Variants in CRIM1 observed in about 807,000 individuals in gnomAD.
CRIM1 encodes the protein cysteine-rich motor neuron 1 protein.
A neutral mutation model predicts 116.4 loss-of-function variants in CRIM1; 32 were observed. The observed-to-expected ratio is 0.27, with a 90% confidence interval of 0.21 to 0.37. CRIM1 has a LOEUF of 0.37. Ranked by LOEUF, CRIM1 falls within the 10% of genes least tolerant of loss-of-function variation. The pLI is 1.00. For missense variants in CRIM1, 1,331 were observed against 1,354.8 expected (o/e 0.98, Z 0.28); for synonymous variants, 590 against 509.2 (o/e 1.16, Z -2.13).
At chr2:36,368,381 C>G (rs889795461) in intron 1 of CRIM1, among the ~76,000 whole-genome samples, 2 of 152,152 alleles carry the variant, frequency 1.3e-5, no homozygotes, top group African/African-American at 4.8e-5. Flanking sequence ...CAAGTACAAG[C>G]CAACTGCGAA....
chr2:36,485,907 C>G (rs1379528136), intron 7 of CRIM1, among the ~76,000 whole-genome samples: 2 of 152,168 alleles, frequency 1.3e-5, no homozygotes, highest in African/African-American at 4.8e-5. Flanking sequence ...GAAACTAGTT[C>G]CATAAATGGA....
At chr2:36,386,782 C>A (rs1671199108) in intron 1 of CRIM1, among the ~76,000 whole-genome samples, 1 of 152,154 alleles carries the variant, frequency 6.6e-6, no homozygotes, top group Non-Finnish European at 1.5e-5. Flanking sequence ...CAGTAGAAGT[C>A]CTACACTGGA....
intron 1 of CRIM1, among the ~76,000 whole-genome samples, chr2:36,384,766 C>T (rs886987492): frequency 6.6e-6 from 1 of 152,116 alleles, no homozygotes; most frequent in Non-Finnish European, 1.5e-5. Flanking sequence ...CCTTTAAAAT[C>T]AGTGGATCAG....
chr2:36,542,753 G>A lies in CRIM1; in HGVS notation c.2624-1623G>A, dbSNP rs541608876. On this transcript the variant is annotated intron_variant, in intron 14 of 16. Transcript: ENST00000280527. ...CACTGAAAGGTGTCAAGTAAATGGC[G>A]ACATGGCTTTTCTGCCCATATTCAC... Among the ~76,000 whole-genome samples, 30 of 152,240 alleles carry A rather than the reference G, an allele frequency of 2.0e-4. No homozygotes were observed. In the South Asian group the frequency reaches 3.3e-3, roughly 17 times the overall value.
intron 1 of CRIM1, among the ~76,000 whole-genome samples, chr2:36,380,374 C>G (rs1670652421): frequency 6.6e-6 from 1 of 152,178 alleles, no homozygotes; most frequent in Non-Finnish European, 1.5e-5. Flanking sequence ...CGCTGCTCCT[C>G]TTGGGTCTGG....
intron 13 of CRIM1, among the ~76,000 whole-genome samples, chr2:36,526,817 T>G (rs930594918): frequency 6.6e-6 from 1 of 152,234 alleles, no homozygotes; most frequent in Non-Finnish European, 1.5e-5. Context: ...TATCTTAGGT[T>G]AATTTCCAGG....
In CRIM1 at chr2:36,510,026, C is replaced by G; in HGVS notation, c.1545C>G (p.Asn515Lys). The part of the protein sequence containing the change: ...CSERKQGCTL[N>K]CPFGFLTDAQ... ...AACGTAAACAAGGCTGCACCTTGAA[C>G]TGTCCCTTCGGTTTCCTTACTGATG... The change falls in exon 9 of 17, where the codon AAC (asparagine) becomes AAG (lysine). Residue 515 changes from asparagine to lysine, a missense_variant. Transcript: ENST00000280527. The G allele has an allele frequency of 6.2e-7, 1 of 1,614,198 alleles. No individual in the cohort carries two copies. Among genetic ancestry groups the G allele is most frequent in the Non-Finnish European group, 8.5e-7 (1 of 1,180,022 alleles).
intron 1 of CRIM1, among the ~76,000 whole-genome samples, chr2:36,359,903 C>T (rs1238326254): frequency 1.3e-5 from 2 of 152,168 alleles, no homozygotes; most frequent in East Asian, 3.9e-4. Context: ...TCCTGTTGCT[C>T]TTTGCAGCAT....
intron 2 of CRIM1, among the ~76,000 whole-genome samples, chr2:36,417,241 C>A (rs1320029235): frequency 6.6e-6 from 1 of 152,186 alleles, no homozygotes; most frequent in Non-Finnish European, 1.5e-5. Context: ...CTTCTCTCTT[C>A]CCCTACTGTC....
chr2:36,482,909 A>G (rs1018483355), intron 7 of CRIM1, among the ~76,000 whole-genome samples: 18 of 152,164 alleles, frequency 1.2e-4, no homozygotes, highest in African/African-American at 4.3e-4. Context: ...CTTCCAAATG[A>G]CAAGATAATG....
intron 1 of CRIM1, among the ~76,000 whole-genome samples, chr2:36,358,283 G>A (rs751594752): frequency 1.1e-4 from 17 of 152,298 alleles, no homozygotes; most frequent in Non-Finnish European, 2.2e-4. Context: ...AATTCTGAAT[G>A]ACCTAGACTA....
chr2:36,388,911 T>A (rs3770944), intron 1 of CRIM1, among the ~76,000 whole-genome samples: 21,797 of 152,256 alleles, frequency 0.14, 2,009 homozygotes, highest in African/African-American at 0.26. Flanking sequence ...CAGTACTGCT[T>A]GTTTTTCAGT....
At chr2:36,543,460 G>C (rs897647653) in intron 14 of CRIM1, among the ~76,000 whole-genome samples, 9 of 151,964 alleles carry the variant, frequency 5.9e-5, no homozygotes, top group African/African-American at 2.2e-4. Flanking sequence ...ATTAGGCTAT[G>C]GTGAGTATTT....
Position 36,356,550 on chromosome 2 carries a change from G to C in CRIM1, c.258G>C (p.Arg86=), listed in dbSNP as rs747419005. 3.7e-6 allele frequency: 6 copies of C among 1,612,696 alleles called. No homozygotes were observed. Among genetic ancestry groups the C allele is most frequent in the Non-Finnish European group, 5.1e-6 (6 of 1,179,866 alleles). Residue 86 remains arginine (R), a synonymous_variant, in exon 1 of 17, where the codon CGG becomes CGC. Transcript: ENST00000280527. The surrounding 1 kb of genome is among the most constrained non-coding windows in gnomAD (Gnocchi z 4.3). ...TCGGGATTTACGGAACCTGCGACCG[G>C]GGGCTGCGTTGTGTCATCCGCCCCC... ...GTFGIYGTCD[R]GLRCVIRPPL... is the part of the protein sequence containing the mutation.
chr2:36,389,704 G>A (rs1671432161), intron 1 of CRIM1, among the ~76,000 whole-genome samples: 1 of 152,106 alleles, frequency 6.6e-6, no homozygotes, highest in African/African-American at 2.4e-5. Context: ...TCCACCTTCA[G>A]GCTGGCAGAA....
chr2:36,474,925 T>C (rs1678842146), intron 5 of CRIM1, among the ~76,000 whole-genome samples: 1 of 151,362 alleles, frequency 6.6e-6, no homozygotes, highest in Non-Finnish European at 1.5e-5. Flanking sequence ...ATGTGATAGT[T>C]TATTCCTGAA....
chr2:36,457,363 A>G (rs1012639559), intron 4 of CRIM1, among the ~76,000 whole-genome samples: 9 of 130,688 alleles, frequency 6.9e-5, no homozygotes, highest in South Asian at 2.8e-4. Context: ...AAACAACAAC[A>G]ACGAAAGGCA....
intron 4 of CRIM1, among the ~76,000 whole-genome samples, chr2:36,458,379 C>A (rs910905993): frequency 6.6e-6 from 1 of 152,100 alleles, no homozygotes; most frequent in Admixed American, 6.5e-5. Flanking sequence ...AGCCCTGTGG[C>A]CTCCTCCAGG....
intron 2 of CRIM1, among the ~76,000 whole-genome samples, chr2:36,408,952 C>A (rs1056182572): frequency 1.6e-4 from 24 of 151,636 alleles, no homozygotes; most frequent in Non-Finnish European, 2.5e-4. Flanking sequence ...GTTTTTTCTA[C>A]TCTCCTGTCT....
Sources: gnomAD v4.1 joint callset for allele counts (sites outside exome capture counted in the v4.1 genomes callset) on GRCh38, gnomAD v4.1.1 for gene constraint, Gnocchi (gnomAD v3.1) non-coding constraint, MANE v1.5 for transcripts, NCBI Gene and HGNC (gene_info 2026-07-23, HGNC 2026-07-21) for gene names.